The following AFAP1 variants were observed in gnomAD, a reference collection of about 807,000 sequenced individuals.
AFAP1 encodes actin filament-associated protein 1.
A neutral mutation model predicts 93.9 loss-of-function variants in AFAP1; 75 were observed. That is an observed-to-expected ratio of 0.80 (90% CI 0.66 to 0.97). The LOEUF (loss-of-function observed/expected upper bound fraction) is 0.97. AFAP1 is among the 50% of genes least tolerant of loss of function. The probability of loss-of-function intolerance (pLI) is 0.00; values close to 1 mark genes in which losing one functional copy is unlikely to be tolerated. For missense variants in AFAP1, 1,201 were observed against 1,050.8 expected, an observed-to-expected ratio of 1.14 and a Z score of -1.98; for synonymous variants, 517 against 430.7, an observed-to-expected ratio of 1.20 and a Z score of -2.48.
At chr4:7,826,634 G>A (rs1721446503) in intron 6 of AFAP1, among the ~76,000 whole-genome samples, 1 of 152,252 alleles carries the variant, frequency 6.6e-6, no homozygotes. Flanking sequence ...ACGGGTCTTG[G>A]GTCCTGGGCC....
At position 7,852,617 on chromosome 4, in the gene AFAP1, G is replaced by C. The variant is rs367949084; in HGVS notation, c.334+2849C>G. Among the ~76,000 whole-genome samples, 22 of 152,220 alleles carry C rather than the reference G, an allele frequency of 1.4e-4. 1 individual carries two copies. In the East Asian group the frequency reaches 3.9e-3, roughly 27 times the overall value. ...TCCAGACCTTTCAAGAAAGGAAGCT[G>C]AATCACCCACCAAGAAAAAACCACG... On this transcript the variant is annotated intron_variant, in intron 4 of 17. Coordinates refer to ENST00000420658, the MANE Select transcript of AFAP1 (RefSeq NM_001134647.2).
rs1226464883 is a variant in AFAP1 at position 7,763,878 on chromosome 4, G to C, written c.2419-87C>G. 101 of 1,383,666 alleles carry C rather than the reference G, an allele frequency of 7.3e-5. No homozygotes were observed. The Middle Eastern group carries it at 1.1e-3, about 15-fold the overall frequency. 85.7% of individuals were successfully genotyped at this position (1,383,666 alleles called of 1,614,324 possible). A position where few individuals can be genotyped will look rare whatever the true frequency, so the allele number is the denominator to read the frequency against. On this transcript the variant is annotated intron_variant, in intron 17 of 17. Transcript: ENST00000420658. Reference sequence around the variant, plus strand: ...GCCACCATCCACATTCAACTCAGAGGGGGTGGGTGCTCGGCTACTGCAGAA... The same window carrying C: ...GCCACCATCCACATTCAACTCAGAGCGGGTGGGTGCTCGGCTACTGCAGAA...
intron 1 of AFAP1, among the ~76,000 whole-genome samples, chr4:7,936,384 A>T (rs1721380811): frequency 6.6e-6 from 1 of 150,730 alleles, no homozygotes; most frequent in Non-Finnish European, 1.5e-5. Context: ...GGAGTGCAGT[A>T]GCATGATTAT....
At position 7,820,707 on chromosome 4, in the gene AFAP1, C is replaced by T. The variant is rs370742346; in HGVS notation, c.727-1536G>A. Among the ~76,000 whole-genome samples, 83 of 152,276 alleles carry T rather than the reference C, an allele frequency of 5.5e-4. No homozygotes were observed. The South Asian group carries it at 0.017, about 31-fold the overall frequency. The stretch of plus-strand genomic sequence containing the variant: ...GGAAGGCGTTTCCAAAGTGTTCCTT[C>T]TCCTGCTGAAGGATGGTTCCATTTT... On this transcript the variant is annotated intron_variant, in intron 6 of 17. Coordinates refer to ENST00000420658, the MANE Select transcript of AFAP1 (RefSeq NM_001134647.2).
intron 3 of AFAP1, chr4:7,862,414 GCGC>G (rs1185293885): frequency 8.7e-4 from 55 of 63,484 alleles, no homozygotes; most frequent in African/African-American, 1.0e-3. Flanking sequence ...GGGGGGGGGG[GCGC>G]CGGCGGCGGG....
At chr4:7,927,635 G>A (rs774450801) in intron 1 of AFAP1, among the ~76,000 whole-genome samples, 1 of 151,874 alleles carries the variant, frequency 6.6e-6, no homozygotes, top group Non-Finnish European at 1.5e-5. Flanking sequence ...GACCAGTGTG[G>A]GCAACACAGC....
In AFAP1 at chr4:7,774,989, A is replaced by G. The variant is rs1297612367; in HGVS notation, c.1898-86T>C. On this transcript the variant is annotated intron_variant, in intron 14 of 17. Transcript: ENST00000420658. ...CGATCCCTTCTCCACAAAAAATACA[A>G]AATTAGCCAGGCATGGCGGCACATG... The G allele has an allele frequency of 6.6e-6, 10 of 1,509,354 alleles. No homozygotes were observed. The South Asian group carries it at 1.1e-4, about 17-fold the overall frequency. 93.5% of individuals were successfully genotyped at this position (1,509,354 alleles called of 1,614,324 possible).
At chr4:7,863,935 G>A (rs1022264293) in intron 3 of AFAP1, among the ~76,000 whole-genome samples, 1 of 63,622 alleles carries the variant, frequency 1.6e-5, no homozygotes, top group Non-Finnish European at 2.9e-5. Flanking sequence ...ATGGCTTACT[G>A]TTGCTTTCAC....
intron 1 of AFAP1, among the ~76,000 whole-genome samples, chr4:7,901,288 T>C (rs1221339879): frequency 6.6e-6 from 1 of 152,180 alleles, no homozygotes; most frequent in African/African-American, 2.4e-5. Context: ...ACATCCTCAC[T>C]CCACATCAAG....
chr4:7,918,624 A>G (rs1040826181), intron 1 of AFAP1, among the ~76,000 whole-genome samples: 1 of 133,774 alleles, frequency 7.5e-6, no homozygotes, highest in Non-Finnish European at 1.6e-5. Flanking sequence ...CCAGGTCACC[A>G]GGAAACAGGG....
intron 6 of AFAP1, among the ~76,000 whole-genome samples, chr4:7,825,405 T>C (rs1721334401): frequency 6.6e-6 from 1 of 152,174 alleles, no homozygotes; most frequent in Non-Finnish European, 1.5e-5. Flanking sequence ...TAAAGAGCTA[T>C]AACAACACTG....
At chr4:7,885,414 T>C (rs927292125) in intron 1 of AFAP1, among the ~76,000 whole-genome samples, 1 of 152,150 alleles carries the variant, frequency 6.6e-6, no homozygotes, top group African/African-American at 2.4e-5. Context: ...CCTGGCTGTC[T>C]CACTGAGGTG....
intron 1 of AFAP1, among the ~76,000 whole-genome samples, chr4:7,923,761 G>A (rs571942827): frequency 1.8e-4 from 27 of 152,074 alleles, no homozygotes; most frequent in Non-Finnish European, 3.7e-4. Flanking sequence ...CACCGCACCC[G>A]GCCTGGTTTC....
intron 1 of AFAP1, among the ~76,000 whole-genome samples, chr4:7,873,842 T>C (rs1269154015): frequency 6.6e-6 from 1 of 152,178 alleles, no homozygotes; most frequent in African/African-American, 2.4e-5. Flanking sequence ...TGCAATGACT[T>C]AGACTTGAGT....
intron 3 of AFAP1, among the ~76,000 whole-genome samples, chr4:7,857,791 TCAAA>T (rs968820570): frequency 6.6e-6 from 1 of 152,344 alleles, no homozygotes; most frequent in African/African-American, 2.4e-5. Flanking sequence ...AATAGCTGAA[TCAAA>T]CAAACGTTTG....
intron 1 of AFAP1, among the ~76,000 whole-genome samples, chr4:7,906,231 C>T (rs995756946): frequency 4.6e-5 from 7 of 152,168 alleles, no homozygotes; most frequent in African/African-American, 1.7e-4. Flanking sequence ...ACCCTATGAC[C>T]TCGCTGAAGG....
chr4:7,852,665 G>C (rs1714582564), intron 4 of AFAP1, among the ~76,000 whole-genome samples: 2 of 152,036 alleles, frequency 1.3e-5, no homozygotes, highest in African/African-American at 4.8e-5. Flanking sequence ...GTTTGCTGGG[G>C]GCACCGGGAA....
At chr4:7,917,304 G>A (rs576403187) in intron 1 of AFAP1, among the ~76,000 whole-genome samples, 1 of 152,110 alleles carries the variant, frequency 6.6e-6, no homozygotes, top group Non-Finnish European at 1.5e-5. Flanking sequence ...GCTGAGTGGG[G>A]GTAGGGGGAC....
chr4:7,871,850 T>C (rs1717078563), intron 2 of AFAP1, 102 bp downstream of exon 2: 1 of 1,450,706 alleles, frequency 6.9e-7, no homozygotes, highest in Admixed American at 2.2e-5. Context: ...GCTTGTAAGT[T>C]AAAGAACAAA....
Sources: gnomAD v4.1 joint callset for allele counts (sites outside exome capture counted in the v4.1 genomes callset) on GRCh38, gnomAD v4.1.1 for gene constraint, MANE v1.5 for transcripts, NCBI Gene and HGNC (gene_info 2026-07-23, HGNC 2026-07-21) for gene names.